The following XPR1 variants were observed in gnomAD, a reference collection of about 807,000 sequenced individuals.
The protein encoded by XPR1 is xenotropic and polytropic retrovirus receptor 1.
Under a neutral mutation model 87.5 loss-of-function variants are expected in XPR1, and 28 were observed. The ratio of observed to expected loss-of-function variants is 0.32; its 90% CI spans 0.24 to 0.44. The LOEUF is 0.44. Ranked by LOEUF, XPR1 falls within the 20% of genes least tolerant of loss-of-function variation. The pLI, the probability that XPR1 is intolerant of heterozygous loss-of-function variation, is 1.00. For missense variants in XPR1, 559 were observed against 862.3 expected, an observed-to-expected ratio of 0.65 and a Z score of 4.41; for synonymous variants, 300 against 306.1, an observed-to-expected ratio of 0.98 and a Z score of 0.21.
At chr1:180,821,110 C>T (rs1650612697) in intron 7 of XPR1, among the ~76,000 whole-genome samples, 3 of 151,402 alleles carry the variant, frequency 2.0e-5, no homozygotes, top group Admixed American at 2.0e-4. Context: ...GTTGTGATAC[C>T]TAAGAATCTA....
At chr1:180,688,140 T>G (rs1198107624) in intron 2 of XPR1, among the ~76,000 whole-genome samples, 1 of 149,302 alleles carries the variant, frequency 6.7e-6, no homozygotes, top group East Asian at 2.0e-4. Flanking sequence ...AACTTCCGCC[T>G]CCTGGGGGTT....
At position 180,742,423 on chromosome 1, in the gene XPR1, G is replaced by A. The variant is rs749958759; in HGVS notation, c.122-45330G>A. Among the ~76,000 whole-genome samples, 12 of 152,144 alleles carry A rather than the reference G, an allele frequency of 7.9e-5. No homozygotes were observed. In the Middle Eastern group the frequency reaches 0.017, roughly 217 times the overall value. ...GAAGTGTGTTGTTTAATTTCCATGTGTTTGGAGAATTTGCTATTATCCTTT... is the reference window on the plus strand; with the variant it reads ...GAAGTGTGTTGTTTAATTTCCATGTATTTGGAGAATTTGCTATTATCCTTT... On this transcript the variant is annotated intron_variant, in intron 2 of 14. Transcript: ENST00000367590.
chr1:180,712,448 A>G (rs1227594495), intron 2 of XPR1, among the ~76,000 whole-genome samples: 1 of 152,248 alleles, frequency 6.6e-6, no homozygotes, highest in Non-Finnish European at 1.5e-5. Context: ...ATTTTCAGAC[A>G]GCTGTTGACA....
chr1:180,685,151 A>G (rs1341361254), intron 2 of XPR1, among the ~76,000 whole-genome samples: 2 of 151,984 alleles, frequency 1.3e-5, no homozygotes, highest in Non-Finnish European at 2.9e-5. Context: ...TTATTTTGAG[A>G]TACGTCCCAT....
At chr1:180,820,120 T>C (rs1477972000) in intron 7 of XPR1, among the ~76,000 whole-genome samples, 4 of 152,180 alleles carry the variant, frequency 2.6e-5, no homozygotes, top group Non-Finnish European at 5.9e-5. Flanking sequence ...TTTTTCCTTT[T>C]CTGTTTTTTT....
At chr1:180,720,131 G>C (rs1658133590) in intron 2 of XPR1, among the ~76,000 whole-genome samples, 1 of 151,928 alleles carries the variant, frequency 6.6e-6, no homozygotes, top group Non-Finnish European at 1.5e-5. Context: ...GCGTGGGGGT[G>C]GTGTTACGAG....
chr1:180,655,330 T>C (rs925073356), intron 1 of XPR1, among the ~76,000 whole-genome samples: 1 of 152,114 alleles, frequency 6.6e-6, no homozygotes, highest in African/African-American at 2.4e-5. Flanking sequence ...TTATCAGATA[T>C]ATGATTTGTA....
intron 2 of XPR1, among the ~76,000 whole-genome samples, chr1:180,732,458 A>G (rs934642713): frequency 2.0e-5 from 3 of 152,236 alleles, no homozygotes; most frequent in Admixed American, 6.5e-5. Flanking sequence ...TGAATATTCC[A>G]GAAGTAGATC....
At chr1:180,657,924 A>G (rs1655592350) in intron 1 of XPR1, among the ~76,000 whole-genome samples, 1 of 152,134 alleles carries the variant, frequency 6.6e-6, no homozygotes, top group African/African-American at 2.4e-5. Flanking sequence ...ATGAACATGG[A>G]ATATCTTTCC....
chr1:180,707,213 G>A (rs1203464975), intron 2 of XPR1, among the ~76,000 whole-genome samples: 1 of 152,150 alleles, frequency 6.6e-6, no homozygotes, highest in African/African-American at 2.4e-5. Flanking sequence ...TTTAAGTTCA[G>A]ACTTACATGT....
At chr1:180,875,737 C>G (rs993113352) in intron 13 of XPR1, among the ~76,000 whole-genome samples, 1 of 151,750 alleles carries the variant, frequency 6.6e-6, no homozygotes, top group Non-Finnish European at 1.5e-5. Context: ...GAACAGAAAA[C>G]AAACACACAA....
At chr1:180,737,174 G>A (rs1262432895) in intron 2 of XPR1, among the ~76,000 whole-genome samples, 1 of 152,158 alleles carries the variant, frequency 6.6e-6, no homozygotes, top group African/African-American at 2.4e-5. Flanking sequence ...AGGGGTAGAA[G>A]GGGGTGGGTC....
chr1:180,854,571 T>A (rs1464127703), intron 11 of XPR1, among the ~76,000 whole-genome samples: 1 of 152,174 alleles, frequency 6.6e-6, no homozygotes, highest in African/African-American at 2.4e-5. Context: ...TGATCAGCAG[T>A]CATTTATCAA....
At chr1:180,741,286 C>G (rs1425979955) in intron 2 of XPR1, among the ~76,000 whole-genome samples, 2 of 152,018 alleles carry the variant, frequency 1.3e-5, no homozygotes, top group Non-Finnish European at 2.9e-5. Context: ...ACCTTATTCT[C>G]CCGAGTAGCT....
chr1:180,800,634 T>C (rs1295985118), intron 3 of XPR1, among the ~76,000 whole-genome samples: 1 of 152,318 alleles, frequency 6.6e-6, no homozygotes, highest in South Asian at 2.1e-4. Flanking sequence ...TAAGGCACTA[T>C]GTGTGTGGTA....
At chr1:180,782,466 C>T (rs1358148216) in intron 2 of XPR1, among the ~76,000 whole-genome samples, 1 of 151,950 alleles carries the variant, frequency 6.6e-6, no homozygotes, top group African/African-American at 2.4e-5. Flanking sequence ...AAGCATTTCC[C>T]CAAACATGGC....
intron 2 of XPR1, among the ~76,000 whole-genome samples, chr1:180,764,629 C>T (rs1159146693): frequency 1.3e-5 from 2 of 151,806 alleles, no homozygotes; most frequent in Non-Finnish European, 2.9e-5. Context: ...ACTACCATGC[C>T]TGGCTAATGT....
At chr1:180,785,080 T>C (rs532761877) in intron 2 of XPR1, among the ~76,000 whole-genome samples, 1 of 147,436 alleles carries the variant, frequency 6.8e-6, no homozygotes, top group South Asian at 2.2e-4. Flanking sequence ...TTCTGATTAA[T>C]GGCTATTTTA....
intron 6 of XPR1, among the ~76,000 whole-genome samples, chr1:180,809,038 A>G (rs1650107706): frequency 6.6e-6 from 1 of 152,208 alleles, no homozygotes; most frequent in South Asian, 2.1e-4. Flanking sequence ...ATGGATAAAC[A>G]ATTTGTGGTA....
Sources: allele counts gnomAD v4.1 joint callset (sites outside exome capture counted in the v4.1 genomes callset), GRCh38; gene constraint gnomAD v4.1.1; transcripts MANE v1.5; gene names NCBI Gene and HGNC (gene_info 2026-07-23, HGNC 2026-07-21).